The following PPARGC1A variants were observed in gnomAD, a reference collection of about 807,000 sequenced individuals.
PPARGC1A encodes the protein PPARG coactivator 1 alpha.
In PPARGC1A, 25 loss-of-function variants were observed where a neutral mutation model predicts 88.7. The observed-to-expected ratio is 0.28, with a 90% CI of 0.21 to 0.39. The LOEUF is 0.39. PPARGC1A is among the 10% of genes least tolerant of loss of function. The pLI, the probability that PPARGC1A is intolerant of heterozygous loss-of-function variation, is 1.00. For missense variants in PPARGC1A, 880 were observed against 968.7 expected, an observed-to-expected ratio of 0.91 and a Z score of 1.22; for synonymous variants, 363 against 355.6, an observed-to-expected ratio of 1.02 and a Z score of -0.24.
the PPARGC1A span, among the ~76,000 whole-genome samples, chr4:24,356,434 T>G: frequency 6.6e-6 from 1 of 152,270 alleles, no homozygotes; most frequent in Non-Finnish European, 1.5e-5. Flanking sequence ...TTAACCTGAG[T>G]TATCCCACTA....
At chr4:23,901,315 A>G (rs185727378), upstream of PPARGC1A, among the ~76,000 whole-genome samples, 93 of 149,090 alleles carry the variant, frequency 6.2e-4, 1 homozygote, top group East Asian at 0.016. Flanking sequence ...GCTTGCAGTG[A>G]GCCGAGATCG....
chr4:24,047,953 T>C, the PPARGC1A span, among the ~76,000 whole-genome samples: 4 of 152,214 alleles, frequency 2.6e-5, no homozygotes, highest in Admixed American at 6.5e-5. Flanking sequence ...CCTTTTCTGG[T>C]TCAGCACCAT....
chr4:24,256,482 C>A, the PPARGC1A span, among the ~76,000 whole-genome samples: 1 of 152,198 alleles, frequency 6.6e-6, no homozygotes, highest in African/African-American at 2.4e-5. Context: ...TGCTTGAAAT[C>A]ACCCTTCGTA....
chr4:24,250,625 G>A, the PPARGC1A span, among the ~76,000 whole-genome samples: 2 of 152,124 alleles, frequency 1.3e-5, no homozygotes, highest in African/African-American at 2.4e-5. Context: ...AGAAGGAAGA[G>A]GAAGGAGAAG....
intron 2 of PPARGC1A, among the ~76,000 whole-genome samples, chr4:23,864,644 T>C (rs570894158): frequency 9.9e-5 from 15 of 152,272 alleles, no homozygotes; most frequent in African/African-American, 2.9e-4. Context: ...AAAGGACAGA[T>C]AGAGACAATG....
chr4:24,387,561 T>C, the PPARGC1A span, among the ~76,000 whole-genome samples: 1 of 151,698 alleles, frequency 6.6e-6, no homozygotes, highest in Non-Finnish European at 1.5e-5. Context: ...CCATCTCTAC[T>C]AAAAATACAA....
chr4:24,144,606 G>T, the PPARGC1A span, among the ~76,000 whole-genome samples: 10 of 151,954 alleles, frequency 6.6e-5, no homozygotes, highest in Non-Finnish European at 1.3e-4. Context: ...TGCATGGAAA[G>T]GAAACCTGAG....
chr4:24,050,190 T>G, the PPARGC1A span, among the ~76,000 whole-genome samples: 3 of 125,240 alleles, frequency 2.4e-5, no homozygotes, highest in Admixed American at 1.1e-4. Context: ...GTCCCTTAGG[T>G]GACCTTTTGT....
chr4:24,012,429 G>T, the PPARGC1A span, among the ~76,000 whole-genome samples: 1 of 152,026 alleles, frequency 6.6e-6, no homozygotes. Context: ...TCCACAGACA[G>T]CATCTAGCCT....
intron 10 of PPARGC1A, among the ~76,000 whole-genome samples, chr4:23,811,073 T>C (rs1720809380): frequency 1.3e-5 from 2 of 152,210 alleles, no homozygotes; most frequent in African/African-American, 2.4e-5. Context: ...TTTGAGTCAG[T>C]CTTAGGTAGA....
At chr4:24,279,010 A>G in the PPARGC1A span, among the ~76,000 whole-genome samples, 28 of 152,362 alleles carry the variant, frequency 1.8e-4, no homozygotes, top group African/African-American at 6.0e-4. Flanking sequence ...TCCTGGACCA[A>G]GAAGGAAAGC....
chr4:23,847,239 G>C (rs1436342235), intron 2 of PPARGC1A, among the ~76,000 whole-genome samples: 1 of 152,090 alleles, frequency 6.6e-6, no homozygotes, highest in East Asian at 1.9e-4. Flanking sequence ...GAAGGAGAAG[G>C]CTTGCCCATC....
the PPARGC1A span, among the ~76,000 whole-genome samples, chr4:24,060,342 C>G: frequency 0.9 from 136,288 of 152,268 alleles, 61,041 homozygotes; most frequent in Admixed American, 0.94. Flanking sequence ...CCCCGTTAAA[C>G]AATATTACAA....
chr4:23,957,867 G>C, the PPARGC1A span, among the ~76,000 whole-genome samples: 1 of 152,030 alleles, frequency 6.6e-6, no homozygotes, highest in Non-Finnish European at 1.5e-5. Context: ...GCTCCCTCTG[G>C]TCTTTAAAAA....
the PPARGC1A span, among the ~76,000 whole-genome samples, chr4:24,008,465 G>A: frequency 6.6e-6 from 1 of 152,054 alleles, no homozygotes; most frequent in Non-Finnish European, 1.5e-5. Flanking sequence ...GAAGCCATAC[G>A]AACAACTAAT....
the PPARGC1A span, among the ~76,000 whole-genome samples, chr4:24,133,720 T>C: frequency 3.9e-4 from 59 of 152,136 alleles, no homozygotes; most frequent in Admixed American, 5.2e-4. Flanking sequence ...TTCTAGAAGG[T>C]AGAGATTGGT....
At chr4:23,852,484 T>C (rs1729475549) in intron 2 of PPARGC1A, among the ~76,000 whole-genome samples, 1 of 152,126 alleles carries the variant, frequency 6.6e-6, no homozygotes, top group South Asian at 2.1e-4. Context: ...TTGCTCCCCA[T>C]CAAGGCCACA....
At chr4:24,065,833 G>A in the PPARGC1A span, among the ~76,000 whole-genome samples, 1 of 152,162 alleles carries the variant, frequency 6.6e-6, no homozygotes, top group Non-Finnish European at 1.5e-5. Context: ...AGCCCTACCT[G>A]TTCATTCATC....
chr4:23,960,046 C>CA, the PPARGC1A span, among the ~76,000 whole-genome samples: 1 of 152,276 alleles, frequency 6.6e-6, no homozygotes, highest in Non-Finnish European at 1.5e-5. Flanking sequence ...TCACACACAA[C>CA]ACGGTATGAT....
Sources: allele counts gnomAD v4.1 joint callset (sites outside exome capture counted in the v4.1 genomes callset), GRCh38; gene constraint gnomAD v4.1.1; transcripts MANE v1.5; gene names NCBI Gene and HGNC (gene_info 2026-07-23, HGNC 2026-07-21).